The following NR2F1-AS1 variants were observed in gnomAD, a reference collection of about 807,000 sequenced individuals.
The protein encoded by NR2F1-AS1 is NR2F1 regulatory antisense RNA 1.
At chr5:93,528,793 C>G (rs1428785852) in intron 4 of NR2F1-AS1, among the ~76,000 whole-genome samples, 1 of 151,312 alleles carries the variant, frequency 6.6e-6, no homozygotes, top group Non-Finnish European at 1.5e-5. Flanking sequence ...CAAACTAACA[C>G]GGGAACAGAA....
intron 4 of NR2F1-AS1, chr5:93,422,307 C>T (rs1283433698): frequency 6.6e-6 from 1 of 152,324 alleles, no homozygotes; most frequent in Non-Finnish European, 1.5e-5. Flanking sequence ...TGCTCTTGCT[C>T]ACCTCTCGGG....
At chr5:93,448,017 G>T (rs1749752612) in intron 4 of NR2F1-AS1, among the ~76,000 whole-genome samples, 1 of 152,158 alleles carries the variant, frequency 6.6e-6, no homozygotes, top group Admixed American at 6.5e-5. Flanking sequence ...CTTGGACACA[G>T]GGTGGGGAAC....
chr5:93,415,606 T>A (rs1748951738), intron 4 of NR2F1-AS1, among the ~76,000 whole-genome samples: 1 of 152,196 alleles, frequency 6.6e-6, no homozygotes, highest in Non-Finnish European at 1.5e-5. Context: ...GAACCACTGG[T>A]CATCAAATTA....
At chr5:93,510,496 A>ACC (rs1751273006) in intron 4 of NR2F1-AS1, among the ~76,000 whole-genome samples, 1 of 152,162 alleles carries the variant, frequency 6.6e-6, no homozygotes, top group African/African-American at 2.4e-5. Flanking sequence ...TCGGCTAGTC[A>ACC]ATGATCCATG....
At chr5:93,459,142 C>A (rs536930598) in intron 4 of NR2F1-AS1, among the ~76,000 whole-genome samples, 1 of 152,106 alleles carries the variant, frequency 6.6e-6, no homozygotes, top group African/African-American at 2.4e-5. Flanking sequence ...AAAAATAAGA[C>A]AATAACTCAA....
At chr5:93,424,257 C>G (rs938095420) in intron 4 of NR2F1-AS1, among the ~76,000 whole-genome samples, 25 of 151,848 alleles carry the variant, frequency 1.6e-4, no homozygotes, top group Non-Finnish European at 3.2e-4. Context: ...CCTAGCACAC[C>G]TGTTTTCAAA....
At chr5:93,416,622 C>T (rs1187552424) in intron 4 of NR2F1-AS1, among the ~76,000 whole-genome samples, 4 of 152,092 alleles carry the variant, frequency 2.6e-5, no homozygotes, top group African/African-American at 9.7e-5. Context: ...CAAAACAGTC[C>T]TGGAGCAGGT....
At chr5:93,546,551 A>T (rs752781317) in intron 4 of NR2F1-AS1, among the ~76,000 whole-genome samples, 1 of 152,212 alleles carries the variant, frequency 6.6e-6, no homozygotes, top group Non-Finnish European at 1.5e-5. Context: ...CTACAAAAGA[A>T]TAGGGTCCAT....
chr5:93,504,637 A>C (rs1751149336), intron 4 of NR2F1-AS1, among the ~76,000 whole-genome samples: 2 of 152,142 alleles, frequency 1.3e-5, no homozygotes, highest in Admixed American at 6.6e-5. Flanking sequence ...TGGGAGGCAA[A>C]AGGCACTTCT....
At chr5:93,426,305 C>A (rs535285183) in intron 4 of NR2F1-AS1, among the ~76,000 whole-genome samples, 1 of 151,796 alleles carries the variant, frequency 6.6e-6, no homozygotes, top group African/African-American at 2.4e-5. Context: ...ACCTTGACCT[C>A]CCAAAGTGCT....
intron 4 of NR2F1-AS1, among the ~76,000 whole-genome samples, chr5:93,530,923 TA>T (rs1751724018): frequency 6.6e-6 from 1 of 151,986 alleles, no homozygotes; most frequent in Admixed American, 6.6e-5. Flanking sequence ...AAAAAAGGAG[TA>T]AATGTTTTTC....
intron 4 of NR2F1-AS1, among the ~76,000 whole-genome samples, chr5:93,550,055 G>A (rs533761074): frequency 1.5e-3 from 223 of 151,654 alleles, no homozygotes; most frequent in Middle Eastern, 3.4e-3. Context: ...CATGGCATGT[G>A]TATACCTATG....
chr5:93,510,339 T>G (rs751724925), intron 4 of NR2F1-AS1, among the ~76,000 whole-genome samples: 2 of 152,316 alleles, frequency 1.3e-5, no homozygotes, highest in African/African-American at 4.8e-5. Context: ...CAAATGCATA[T>G]GTAATAAGTT....
intron 4 of NR2F1-AS1, among the ~76,000 whole-genome samples, chr5:93,517,889 C>T (rs1254351598): frequency 6.6e-6 from 1 of 152,080 alleles, no homozygotes; most frequent in African/African-American, 2.4e-5. Context: ...TTACATACCA[C>T]TTTTTGTAGT....
chr5:93,513,071 A>G (rs191799621), intron 4 of NR2F1-AS1, among the ~76,000 whole-genome samples: 2 of 152,294 alleles, frequency 1.3e-5, no homozygotes, highest in African/African-American at 4.8e-5. Flanking sequence ...AATTCTCAAC[A>G]TCACTAATCA....
chr5:93,444,988 T>C (rs894328182), intron 4 of NR2F1-AS1, among the ~76,000 whole-genome samples: 1 of 152,188 alleles, frequency 6.6e-6, no homozygotes, highest in African/African-American at 2.4e-5. Flanking sequence ...AATAAAGATG[T>C]TCTTTGAAAC....
At position 93,503,539 on chromosome 5, in the gene NR2F1-AS1, G is replaced by A. The variant is rs530341787; in HGVS notation, n.638+50222C>T. 1.6e-3 allele frequency among the ~76,000 whole-genome samples: 247 copies of A among 152,276 alleles called. 1 individual carries two copies. The highest frequency in any genetic ancestry group is 5.4e-3 in the South Asian group (26 of 4,828). On this transcript the variant is annotated intron_variant and non_coding_transcript_variant, in intron 4 of 5. Transcript: ENST00000660523. ...TGTTGGCCTTGTGAACTTGGATTTC[G>A]AAGTGTTGCCACCAGTCCCAGAACT... is the stretch of plus-strand genomic sequence containing the variant.
chr5:93,449,609 C>T (rs1355946127), intron 4 of NR2F1-AS1, among the ~76,000 whole-genome samples: 1 of 152,126 alleles, frequency 6.6e-6, no homozygotes, highest in Non-Finnish European at 1.5e-5. Context: ...CATTTATAGA[C>T]AATTTACTAT....
At chr5:93,551,268 T>C (rs1179276732) in intron 4 of NR2F1-AS1, among the ~76,000 whole-genome samples, 1 of 152,144 alleles carries the variant, frequency 6.6e-6, no homozygotes, top group Non-Finnish European at 1.5e-5. Context: ...TATTTCTATA[T>C]ATTCTAAAAC....
Sources: allele counts gnomAD v4.1 joint callset (sites outside exome capture counted in the v4.1 genomes callset), GRCh38; gene constraint gnomAD v4.1.1; transcripts MANE v1.5; gene names NCBI Gene and HGNC (gene_info 2026-07-23, HGNC 2026-07-21).